SNAP23: variants seen among roughly 807,000 people sequenced by gnomAD.
SNAP23 encodes synaptosome associated protein 23.
A neutral mutation model predicts 29.0 loss-of-function variants in SNAP23; 11 were observed. The ratio of observed to expected loss-of-function variants is 0.38; its 90% confidence interval spans 0.24 to 0.63. SNAP23 has a LOEUF of 0.63. Ranked by LOEUF, SNAP23 falls within the 20% of genes least tolerant of loss-of-function variation. The pLI is 0.58. For missense variants in SNAP23, 220 were observed against 253.9 expected (o/e 0.87, Z 0.91); for synonymous variants, 60 against 82.9 (o/e 0.72, Z 1.50).
chr15:42,531,537 T>C lies in SNAP23; in HGVS notation c.*59T>C, dbSNP rs1163349168. 5.2e-6 allele frequency: 7 copies of C among 1,351,830 alleles called. No homozygotes were observed. Among genetic ancestry groups the C allele is most frequent in the African/African-American group, 1.5e-5 (1 of 68,846 alleles). The allele number at this position is 1,351,830 out of a possible 1,614,324, so 83.7% of individuals were successfully genotyped here. On this transcript the variant is annotated 3_prime_UTR_variant, in exon 8 of 8. Transcript: ENST00000249647. ...TTCCGTAGCTCCTCCTTGAAAGTTA[T>C]TACCTTTTCAGAGTTTAAGTTTTCG...
rs187508717 is a variant in SNAP23 at position 42,526,869 on chromosome 15, G to A, written c.267-1393G>A. ...TTTTTTTTTTGAGATGGAGTGTCTC[G>A]CTCTGTTGCCCAGGCTGGAGTGCAG... On this transcript the variant is annotated intron_variant, in intron 5 of 7. Transcript: ENST00000249647. 9.8e-4 allele frequency among the ~76,000 whole-genome samples: 141 copies of A among 144,282 alleles called. 1 individual carries two copies. The Middle Eastern group carries it at 0.018, about 18-fold the overall frequency. 94.7% of individuals were successfully genotyped at this position (144,282 alleles called of 152,430 possible). A position where few individuals can be genotyped will look rare whatever the true frequency, so the allele number is the denominator to read the frequency against.
intron 5 of SNAP23, among the ~76,000 whole-genome samples, chr15:42,518,740 A>T (rs1366086656): frequency 7.0e-6 from 1 of 143,580 alleles, no homozygotes; most frequent in Non-Finnish European, 1.5e-5. Flanking sequence ...AATCTAAAAA[A>T]CTCCTAAAGT....
At chr15:42,524,443 G>GC (rs1484848360) in intron 5 of SNAP23, among the ~76,000 whole-genome samples, 4 of 152,126 alleles carry the variant, frequency 2.6e-5, no homozygotes, top group Non-Finnish European at 4.4e-5. Flanking sequence ...CAGGAGGTGA[G>GC]CATTATTGCC....
chr15:42,509,343 T>G (rs2057340715), intron 1 of SNAP23, among the ~76,000 whole-genome samples: 1 of 152,146 alleles, frequency 6.6e-6, no homozygotes, highest in South Asian at 2.1e-4. Flanking sequence ...ACTTTTTGCC[T>G]GAAGCACAGT....
At chr15:42,513,122 T>A in intron 3 of SNAP23, 126 bp downstream of exon 3, 1 of 827,768 alleles carries the variant, frequency 1.2e-6, no homozygotes, top group East Asian at 2.6e-5. Context: ...TAACAGTTGC[T>A]GAAATGTCAA....
chr15:42,528,132 T>TGGTGG, intron 5 of SNAP23, 130 bp from the exon 6 acceptor site: 1 of 560,926 alleles, frequency 1.8e-6, no homozygotes. Context: ...GTGTAGATCA[T>TGGTGG]CTAGACTTAG....
At chr15:42,496,832 G>T (rs2057223582) in intron 1 of SNAP23, among the ~76,000 whole-genome samples, 1 of 152,060 alleles carries the variant, frequency 6.6e-6, no homozygotes, top group Non-Finnish European at 1.5e-5. Flanking sequence ...TTATAATCAT[G>T]GTGGAAAGCA....
chr15:42,522,842 C>CTTT (rs5812226), intron 5 of SNAP23, among the ~76,000 whole-genome samples: 9,582 of 90,912 alleles, frequency 0.11, 1,501 homozygotes, highest in African/African-American at 0.16. Context: ...TAAAACTTGC[C>CTTT]TTTTTTTTTT....
At chr15:42,525,133 C>T (rs1328361770) in intron 5 of SNAP23, among the ~76,000 whole-genome samples, 3 of 150,338 alleles carry the variant, frequency 2.0e-5, no homozygotes, top group Admixed American at 6.6e-5. Flanking sequence ...TTTGGGAGGC[C>T]GAGGCAGGCG....
At chr15:42,497,488 C>T (rs1331988320) in intron 1 of SNAP23, among the ~76,000 whole-genome samples, 4 of 152,024 alleles carry the variant, frequency 2.6e-5, no homozygotes, top group Non-Finnish European at 5.9e-5. Flanking sequence ...GGATTACAGG[C>T]GTGAGCCACC....
chr15:42,501,731 C>G (rs2141504054), intron 1 of SNAP23, among the ~76,000 whole-genome samples: 1 of 152,302 alleles, frequency 6.6e-6, no homozygotes, highest in East Asian at 1.9e-4. Flanking sequence ...AGAGATATTT[C>G]ATAATTATTA....
upstream of SNAP23, among the ~76,000 whole-genome samples, chr15:42,492,315 T>G (rs1404047527): frequency 1.3e-5 from 2 of 152,168 alleles, no homozygotes; most frequent in Admixed American, 6.6e-5. Flanking sequence ...TTGATAATTA[T>G]GTGGAGTGTC....
At position 42,521,445 on chromosome 15, in the gene SNAP23, T is replaced by C. The variant is rs1595527040; in HGVS notation, c.266+6091T>C. ...TAGTTTTCTTATTTTTCTTTTTATCTAGATTCTCAGATGTTGGTTGTTTCT... is the reference window on the plus strand; with the variant it reads ...TAGTTTTCTTATTTTTCTTTTTATCCAGATTCTCAGATGTTGGTTGTTTCT... On this transcript the variant is annotated intron_variant, in intron 5 of 7. Coordinates refer to ENST00000249647, the MANE Select transcript of SNAP23 (RefSeq NM_003825.4). 1.1e-5 allele frequency: 11 copies of C among 982,594 alleles called. No homozygotes were observed. In the South Asian group the frequency reaches 4.2e-4, roughly 38 times the overall value. The allele number at this position is 982,594 out of a possible 1,614,324, so 60.9% of individuals were successfully genotyped here.
At chr15:42,509,929 C>T (rs986209100) in intron 1 of SNAP23, among the ~76,000 whole-genome samples, 5 of 151,784 alleles carry the variant, frequency 3.3e-5, no homozygotes, top group Non-Finnish European at 7.4e-5. Context: ...ATTAGTGGGG[C>T]GTGGTGGTGC....
intron 1 of SNAP23, among the ~76,000 whole-genome samples, chr15:42,506,071 G>A (rs956984492): frequency 4.0e-5 from 6 of 150,548 alleles, no homozygotes; most frequent in East Asian, 2.0e-4. Context: ...TCAGCCTCCC[G>A]AGTAGCTGGG....
intron 1 of SNAP23, among the ~76,000 whole-genome samples, chr15:42,503,647 G>A (rs1302724467): frequency 6.6e-6 from 1 of 152,008 alleles, no homozygotes; most frequent in Non-Finnish European, 1.5e-5. Context: ...TAGGATTACA[G>A]GCGTGAGCCA....
intron 1 of SNAP23, among the ~76,000 whole-genome samples, chr15:42,509,092 A>G (rs1015932777): frequency 6.6e-6 from 1 of 152,124 alleles, no homozygotes; most frequent in African/African-American, 2.4e-5. Flanking sequence ...GATGTGGGGT[A>G]TTATAGAAAG....
intron 1 of SNAP23, among the ~76,000 whole-genome samples, chr15:42,502,024 C>T (rs1277187918): frequency 6.8e-6 from 1 of 147,640 alleles, no homozygotes; most frequent in Admixed American, 6.7e-5. Flanking sequence ...CTTATATTCT[C>T]TCTTTTTTTT....
At position 42,532,640 on chromosome 15, in the gene SNAP23, T is replaced by A. The variant is rs1225246848; in HGVS notation, c.*1162T>A. Reference sequence around the variant, plus strand: ...TTCTCTCTAAAGCAGGGCTTAAAATTTTTTGGAAAAGTTTGACAAAGCATA... The same window carrying A: ...TTCTCTCTAAAGCAGGGCTTAAAATATTTTGGAAAAGTTTGACAAAGCATA... On this transcript the variant is annotated 3_prime_UTR_variant, in exon 8 of 8. Transcript: ENST00000249647. The A allele has an allele frequency of 6.6e-6, 1 of 152,660 alleles. No individual in the cohort carries two copies. Among genetic ancestry groups the A allele is most frequent in the Non-Finnish European group, 1.5e-5 (1 of 68,038 alleles). 9.5% of individuals were successfully genotyped at this position (152,660 alleles called of 1,614,324 possible). A position where few individuals can be genotyped will look rare whatever the true frequency, so the allele number is the denominator to read the frequency against.
Sources: gnomAD v4.1 joint callset for allele counts (sites outside exome capture counted in the v4.1 genomes callset) on GRCh38, gnomAD v4.1.1 for gene constraint, MANE v1.5 for transcripts, NCBI Gene and HGNC (gene_info 2026-07-23, HGNC 2026-07-21) for gene names.